Variants in PCDHA1 observed in about 807,000 individuals in gnomAD.
PCDHA1 encodes protocadherin alpha 1.
Under a neutral mutation model 61.3 loss-of-function variants are expected in PCDHA1, and 42 were observed. The ratio of observed to expected loss-of-function variants is 0.69; its 90% CI spans 0.54 to 0.89. PCDHA1 has a LOEUF of 0.89. PCDHA1 is among the 40% of genes least tolerant of loss of function. PCDHA1 has a pLI of 0.00. For synonymous variants in PCDHA1, 610 were observed against 553.8 expected (o/e 1.10, Z -1.43); for missense variants, 1,256 against 1,235.3 (o/e 1.02, Z -0.25).
chr5:140,875,318 C>G, intron 1 of PCDHA1: 1 of 1,427,508 alleles, frequency 7.0e-7, no homozygotes, highest in South Asian at 1.6e-5. Flanking sequence ...ACATTCCAAT[C>G]ATTCACGGAA....
intron 1 of PCDHA1, among the ~76,000 whole-genome samples, chr5:140,905,373 G>C (rs556428182): frequency 3.1e-4 from 47 of 152,236 alleles, no homozygotes; most frequent in Non-Finnish European, 4.6e-4. Context: ...CTGGTTCTCT[G>C]TTCTGTTTCA....
chr5:140,884,692 G>A, intron 1 of PCDHA1: 7 of 1,528,834 alleles, frequency 4.6e-6, no homozygotes, highest in Non-Finnish European at 6.1e-6. Context: ...AATTGTCTTA[G>A]TAAACACTTT....
chr5:140,914,187 A>G (rs2076635858), intron 1 of PCDHA1, among the ~76,000 whole-genome samples: 1 of 152,110 alleles, frequency 6.6e-6, no homozygotes, highest in African/African-American at 2.4e-5. Flanking sequence ...TTCTCCACCT[A>G]TTATTGTATT....
At chr5:140,959,999 A>G (rs564390780) in intron 1 of PCDHA1, among the ~76,000 whole-genome samples, 2 of 152,318 alleles carry the variant, frequency 1.3e-5, no homozygotes, top group African/African-American at 4.8e-5. Flanking sequence ...ATGAAATACA[A>G]ATCTATTTTG....
In PCDHA1 at chr5:140,872,619, G is replaced by A. The variant is rs571473600; in HGVS notation, c.2394+83935G>A. On this transcript the variant is annotated intron_variant, in intron 1 of 3. Transcript: ENST00000504120. ...TCTGAAAAAATAATTTTTTTTGCCT[G>A]TTCTTGATTTTGTTCCATGAAAAGG... Among the ~76,000 whole-genome samples, 128 of 152,108 alleles carry A rather than the reference G, an allele frequency of 8.4e-4. 1 individual carries two copies. The highest frequency in any genetic ancestry group is 3.4e-3 in the Middle Eastern group (1 of 294).
At chr5:140,881,563 T>C (rs894982822) in intron 1 of PCDHA1, among the ~76,000 whole-genome samples, 4 of 152,232 alleles carry the variant, frequency 2.6e-5, no homozygotes, top group Non-Finnish European at 5.9e-5. Flanking sequence ...AAATATCTTA[T>C]CTACATCTCA....
intron 1 of PCDHA1, chr5:140,857,412 C>A: frequency 1.3e-6 from 2 of 1,598,338 alleles, no homozygotes; most frequent in Non-Finnish European, 1.7e-6. Context: ...CCTGCGTTCG[C>A]GCAGTCCGAG....
intron 1 of PCDHA1, chr5:140,882,302 C>T (rs2059055627): frequency 1.2e-6 from 2 of 1,613,794 alleles, no homozygotes; most frequent in Non-Finnish European, 8.5e-7. Context: ...CCCAAGACCG[C>T]GGCAACTACT....
At chr5:140,919,982 G>GA (rs35005979) in intron 1 of PCDHA1, among the ~76,000 whole-genome samples, 49,705 of 152,056 alleles carry the variant, frequency 0.33, 8,403 homozygotes, top group East Asian at 0.53. Flanking sequence ...GATAGAAGAT[G>GA]GAAAACAGAC....
intron 1 of PCDHA1, chr5:140,884,831 A>G (rs918582598): frequency 4.3e-6 from 4 of 939,604 alleles, no homozygotes; most frequent in Non-Finnish European, 6.0e-6. Flanking sequence ...GTGTTGGATT[A>G]TCCTTCAGAG....
intron 1 of PCDHA1, among the ~76,000 whole-genome samples, chr5:140,908,899 C>CT (rs1382483322): frequency 6.6e-6 from 1 of 152,194 alleles, no homozygotes; most frequent in Non-Finnish European, 1.5e-5. Flanking sequence ...AAATAAGCCT[C>CT]TTTCGTGGTT....
chr5:140,934,999 T>C (rs2090139389), intron 1 of PCDHA1, among the ~76,000 whole-genome samples: 1 of 152,196 alleles, frequency 6.6e-6, no homozygotes, highest in Admixed American at 6.5e-5. Flanking sequence ...CCTGAATCCT[T>C]TTCATGTGAG....
At chr5:140,974,291 A>G (rs1417274006) in intron 1 of PCDHA1, among the ~76,000 whole-genome samples, 1 of 152,196 alleles carries the variant, frequency 6.6e-6, no homozygotes, top group Admixed American at 6.5e-5. Context: ...CTGGGCTCCA[A>G]GGAGGTACAA....
At chr5:140,884,003 G>T (rs781845787) in intron 1 of PCDHA1, 2 of 1,612,968 alleles carry the variant, frequency 1.2e-6, no homozygotes, top group Non-Finnish European at 8.5e-7. Flanking sequence ...CACAGTGAGC[G>T]AGCTGATGCC....
rs782623559 is a variant in PCDHA1 at position 141,009,752 on chromosome 5, A to G, written c.2668A>G (p.Ile890Val). The G allele has an allele frequency of 3.1e-6, 5 of 1,614,086 alleles. No homozygotes were observed. Among genetic ancestry groups the G allele is most frequent in the East Asian group, 4.5e-5 (2 of 44,882 alleles). The change falls in exon 4 of 4, where the codon ATC becomes GTC. Residue 890 changes from isoleucine (I) to valine (V), a missense_variant. Physicochemically the swap from Ile to Val is conservative, Grantham distance 29. Transcript: ENST00000504120. ...CGGTGAGTTGCCCGACAAATTCATT[A>G]TCCCAGGATCTCCTGCAATCATCTC... ...GPGELPDKFIIPGSPAIISIR... is the reference protein window; with the variant it reads ...GPGELPDKFIVPGSPAIISIR...
chr5:140,862,825 C>T (rs782012901), intron 1 of PCDHA1: 2 of 572,056 alleles, frequency 3.5e-6, no homozygotes, highest in Non-Finnish European at 6.7e-6. Context: ...GGTGAGAGCG[C>T]GCGACGCGGG....
intron 1 of PCDHA1, among the ~76,000 whole-genome samples, chr5:140,898,910 C>G (rs1313149642): frequency 6.6e-6 from 1 of 152,040 alleles, no homozygotes; most frequent in African/African-American, 2.4e-5. Context: ...CTTCACGTCC[C>G]TTGTAAGTTG....
intron 1 of PCDHA1, among the ~76,000 whole-genome samples, chr5:140,965,764 A>G (rs2095932618): frequency 6.6e-6 from 1 of 152,258 alleles, no homozygotes; most frequent in Non-Finnish European, 1.5e-5. Flanking sequence ...AATGGGTCAA[A>G]TAATAGATTT....
At chr5:140,870,392 GT>G in intron 1 of PCDHA1, 1 of 1,614,254 alleles carries the variant, frequency 6.2e-7, no homozygotes, top group Middle Eastern at 1.6e-4. Flanking sequence ...CGGGATGGGG[GT>G]TCGCCTTCTC....
Sources: gnomAD v4.1 joint callset for allele counts (sites outside exome capture counted in the v4.1 genomes callset) on GRCh38, gnomAD v4.1.1 for gene constraint, MANE v1.5 for transcripts, NCBI Gene and HGNC (gene_info 2026-07-23, HGNC 2026-07-21) for gene names.